The following COMMD10 variants were observed in gnomAD, a reference collection of about 807,000 sequenced individuals.
The protein encoded by COMMD10 is COMM domain containing 10.
A neutral mutation model predicts 28.9 loss-of-function variants in COMMD10; 33 were observed. That is an observed-to-expected ratio of 1.14 (90% CI 0.87 to 1.53). The LOEUF (loss-of-function observed/expected upper bound fraction) is 1.53, where lower values mean the gene tolerates loss of function less well. Ranked by LOEUF, COMMD10 falls within the 40% of genes most tolerant of loss-of-function variation. The pLI is 0.00. For missense variants in COMMD10, 310 were observed against 233.4 expected (o/e 1.33, Z -2.14); for synonymous variants, 110 against 81.7 (o/e 1.35, Z -1.87).
At chr5:116,254,171 A>G (rs1019832985) in intron 5 of COMMD10, among the ~76,000 whole-genome samples, 2 of 151,614 alleles carry the variant, frequency 1.3e-5, no homozygotes, top group African/African-American at 2.4e-5. Flanking sequence ...TATTGCGTCT[A>G]TTTGATTCTT....
intron 4 of COMMD10, among the ~76,000 whole-genome samples, chr5:116,105,675 G>C (rs776372141): frequency 6.6e-5 from 10 of 152,114 alleles, no homozygotes; most frequent in African/African-American, 1.2e-4. Context: ...ATTCTTCCTG[G>C]TTTAGTGTTG....
intron 5 of COMMD10, among the ~76,000 whole-genome samples, chr5:116,235,558 A>G (rs1749640315): frequency 6.6e-6 from 1 of 152,204 alleles, no homozygotes; most frequent in Non-Finnish European, 1.5e-5. Context: ...TGGAGATACA[A>G]TTTCAGAGTT....
chr5:116,207,691 A>G (rs1748849057), intron 5 of COMMD10, among the ~76,000 whole-genome samples: 1 of 151,966 alleles, frequency 6.6e-6, no homozygotes, highest in Non-Finnish European at 1.5e-5. Flanking sequence ...ACACCCAGCT[A>G]ATTTCTGTGT....
At chr5:116,227,729 A>T (rs1393531016) in intron 5 of COMMD10, among the ~76,000 whole-genome samples, 1 of 151,996 alleles carries the variant, frequency 6.6e-6, no homozygotes, top group African/African-American at 2.4e-5. Flanking sequence ...GAGCATTCAC[A>T]CAGCTTTTCA....
At position 116,292,577 on chromosome 5, in the gene COMMD10, G is replaced by A. The variant is rs1751397281; in HGVS notation, c.*88G>A. 1.8e-6 allele frequency: 2 copies of A among 1,099,926 alleles called. No individual in the cohort carries two copies. Among genetic ancestry groups the A allele is most frequent in the Non-Finnish European group, 2.6e-6 (2 of 760,002 alleles). The allele number at this position is 1,099,926 out of a possible 1,614,324, so 68.1% of individuals were successfully genotyped here. On this transcript the variant is annotated 3_prime_UTR_variant, in exon 7 of 7. Coordinates refer to ENST00000274458, the MANE Select transcript of COMMD10 (RefSeq NM_016144.4). ...CATTGCCAGGTTGTGTTTTCTGAAG[G>A]ATTCAGTGACTTGCTTTCTGTAAAT...
At chr5:116,219,640 G>A (rs545218059) in intron 5 of COMMD10, among the ~76,000 whole-genome samples, 2 of 152,290 alleles carry the variant, frequency 1.3e-5, no homozygotes, top group East Asian at 3.9e-4. Context: ...CTGACTCCTT[G>A]TTTTCTGCCC....
At chr5:116,247,189 A>T (rs758642902) in intron 5 of COMMD10, among the ~76,000 whole-genome samples, 34 of 152,124 alleles carry the variant, frequency 2.2e-4, no homozygotes, top group Non-Finnish European at 2.8e-4. Flanking sequence ...TCAAAAGAAG[A>T]TATACATATG....
chr5:116,260,843 G>A (rs1458979172), intron 5 of COMMD10, among the ~76,000 whole-genome samples: 3 of 151,868 alleles, frequency 2.0e-5, no homozygotes, highest in East Asian at 3.9e-4. Flanking sequence ...TTAAAAGAGA[G>A]TAAGAAAATA....
chr5:116,159,980 A>G (rs1000860521), intron 5 of COMMD10, among the ~76,000 whole-genome samples: 2 of 152,142 alleles, frequency 1.3e-5, no homozygotes, highest in South Asian at 2.1e-4. Context: ...ACTTTTCAGG[A>G]TGGAATAGTT....
chr5:116,095,696 A>G (rs1750447659), intron 4 of COMMD10, among the ~76,000 whole-genome samples: 1 of 151,956 alleles, frequency 6.6e-6, no homozygotes, highest in South Asian at 2.1e-4. Flanking sequence ...AGGAATTTGC[A>G]GCCTAATCAT....
At chr5:116,249,446 A>C (rs1260559985) in intron 5 of COMMD10, among the ~76,000 whole-genome samples, 1 of 151,954 alleles carries the variant, frequency 6.6e-6, no homozygotes, top group African/African-American at 2.4e-5. Context: ...TTTTGAAGTT[A>C]CTTTGATATT....
intron 5 of COMMD10, among the ~76,000 whole-genome samples, chr5:116,230,758 T>C (rs1033766258): frequency 1.3e-5 from 2 of 152,128 alleles, no homozygotes; most frequent in Non-Finnish European, 2.9e-5. Context: ...AGCTGTGATA[T>C]CCGTTTCTCT....
chr5:116,086,648 TG>T (rs1311522284), intron 1 of COMMD10, among the ~76,000 whole-genome samples: 1 of 152,124 alleles, frequency 6.6e-6, no homozygotes, highest in East Asian at 1.9e-4. Context: ...TTAGTAAAGA[TG>T]GGGTTTCACC....
rs375816472 is a variant in COMMD10, at chr5:116,092,615, A to G, written c.314A>G (p.Lys105Arg). 3.7e-6 allele frequency: 6 copies of G among 1,612,656 alleles called. No individual in the cohort carries two copies. The African/African-American group carries it at 5.3e-5, about 14-fold the overall frequency. Residue 105 changes from lysine (K) to arginine (R), a missense_variant, in exon 4 of 7, where the codon AAA becomes AGA. Coordinates refer to ENST00000274458, the MANE Select transcript of COMMD10 (RefSeq NM_016144.4). ...GAGAACATTCATCTTAGACAAGACA[A>G]AGCTGAAGCATTTGTCAATACGTGG... The part of the protein sequence containing the change: ...QLENIHLRQD[K>R]AEAFVNTWSS...
intron 5 of COMMD10, chr5:116,218,319 G>A (rs1749158142): frequency 1.4e-6 from 1 of 693,216 alleles, no homozygotes; most frequent in South Asian, 1.4e-5. Flanking sequence ...ATGGTGGTGG[G>A]ACATAGGCAC....
intron 5 of COMMD10, among the ~76,000 whole-genome samples, chr5:116,231,704 C>T (rs1165371596): frequency 3.3e-5 from 5 of 151,982 alleles, no homozygotes; most frequent in Admixed American, 2.6e-4. Flanking sequence ...TGCTTTTGCT[C>T]TTTTAAAATT....
At chr5:116,152,659 T>C (rs899486906) in intron 5 of COMMD10, among the ~76,000 whole-genome samples, 8 of 151,874 alleles carry the variant, frequency 5.3e-5, no homozygotes, top group African/African-American at 1.7e-4. Flanking sequence ...TTTAAAAATA[T>C]GCTGCTAGTT....
intron 5 of COMMD10, among the ~76,000 whole-genome samples, chr5:116,149,425 C>A (rs939652700): frequency 6.7e-6 from 1 of 148,350 alleles, no homozygotes; most frequent in African/African-American, 2.5e-5. Flanking sequence ...CCTGAGGAAT[C>A]GCCACACAGA....
At chr5:116,095,543 T>G (rs896327287) in intron 4 of COMMD10, among the ~76,000 whole-genome samples, 3 of 152,182 alleles carry the variant, frequency 2.0e-5, no homozygotes, top group Non-Finnish European at 4.4e-5. Flanking sequence ...CTGTGAGATA[T>G]ATGATTTGCA....
Sources: allele counts gnomAD v4.1 joint callset (sites outside exome capture counted in the v4.1 genomes callset), GRCh38; gene constraint gnomAD v4.1.1; transcripts MANE v1.5; gene names NCBI Gene and HGNC (gene_info 2026-07-23, HGNC 2026-07-21).